CNTNAP4: variants seen among roughly 807,000 people sequenced by gnomAD.
CNTNAP4 encodes the protein contactin-associated protein-like 4.
A neutral mutation model predicts 148.4 loss-of-function variants in CNTNAP4; 98 were observed. The observed-to-expected ratio is 0.66, with a 90% confidence interval of 0.56 to 0.78. CNTNAP4 has a LOEUF of 0.78. CNTNAP4 is among the 30% of genes least tolerant of loss of function. The pLI, the probability that CNTNAP4 is intolerant of heterozygous loss-of-function variation, is 0.00. For synonymous variants in CNTNAP4, 730 were observed against 565.1 expected (o/e 1.29, Z -4.14); for missense variants, 1,935 against 1,565.6 (o/e 1.24, Z -3.98).
At chr16:76,303,180 C>G (rs1966126875) in intron 1 of CNTNAP4, among the ~76,000 whole-genome samples, 2 of 152,214 alleles carry the variant, frequency 1.3e-5, no homozygotes, top group Non-Finnish European at 2.9e-5. Context: ...CTCAGAGAAG[C>G]TTATTGTTTC....
chr16:76,438,426 C>T (rs1285672590), intron 4 of CNTNAP4, among the ~76,000 whole-genome samples: 1 of 152,036 alleles, frequency 6.6e-6, no homozygotes, highest in Non-Finnish European at 1.5e-5. Flanking sequence ...TACTGAAATG[C>T]CACAAGGTAA....
In CNTNAP4 at chr16:76,277,695, G is replaced by T. The variant is rs369274230; in HGVS notation, c.33G>T (p.Thr11=). The T allele has an allele frequency of 1.6e-5, 26 of 1,605,682 alleles. No individual in the cohort carries two copies. The highest frequency in any genetic ancestry group is 1.6e-4 in the Middle Eastern group (1 of 6,076). MGSVTGAVLK[T]LLLLSTQNWN... ...CTGTCACGGGAGCTGTCCTCAAGAC[G>T]CTACTTCTGTTATCTACTCAAAATT... Residue 11 remains threonine (T), a synonymous_variant, in exon 1 of 24, where the codon ACG becomes ACT. Transcript: ENST00000611870.
intron 4 of CNTNAP4, chr16:76,432,451 G>C (rs1263934914): frequency 6.6e-6 from 1 of 152,146 alleles, no homozygotes; most frequent in Non-Finnish European, 1.5e-5. Flanking sequence ...GGATCAAAGA[G>C]AAACTATAAA....
chr16:76,277,595 C>G lies in CNTNAP4; in HGVS notation c.-68C>G. The G allele has an allele frequency of 9.5e-6, 10 of 1,058,070 alleles. No homozygotes were observed. The South Asian group carries it at 1.2e-4, about 13-fold the overall frequency. 65.5% of individuals were successfully genotyped at this position (1,058,070 alleles called of 1,614,324 possible). A position where few individuals can be genotyped will look rare whatever the true frequency, so the allele number is the denominator to read the frequency against. On this transcript the variant is annotated 5_prime_UTR_variant, in exon 1 of 24. Transcript: ENST00000611870. The stretch of plus-strand genomic sequence containing the variant: ...GACCCAGACAGAGCTGGCAGAGCTA[C>G]TGAGAAGAGGACTGGAGCGCTCTGA...
chr16:76,406,507 G>T (rs1053273312), intron 3 of CNTNAP4, among the ~76,000 whole-genome samples: 7 of 152,012 alleles, frequency 4.6e-5, no homozygotes, highest in African/African-American at 1.4e-4. Flanking sequence ...CTGCACTTAG[G>T]AAGACATTGT....
At chr16:76,375,288 G>A (rs1314668927) in intron 3 of CNTNAP4, among the ~76,000 whole-genome samples, 2 of 152,090 alleles carry the variant, frequency 1.3e-5, no homozygotes, top group African/African-American at 4.8e-5. Flanking sequence ...CAGGCGTGGT[G>A]GCATGTGCCT....
intron 3 of CNTNAP4, among the ~76,000 whole-genome samples, chr16:76,358,850 A>G (rs192107224): frequency 5.4e-4 from 82 of 151,768 alleles, no homozygotes; most frequent in African/African-American, 1.7e-3. Flanking sequence ...ATGTGTGTGT[A>G]TATATATATA....
chr16:76,496,345 T>G (rs201248801), intron 14 of CNTNAP4, among the ~76,000 whole-genome samples: 1 of 151,964 alleles, frequency 6.6e-6, no homozygotes. Flanking sequence ...TCAATAACTC[T>G]CCAATGCCTC....
chr16:76,395,216 C>T (rs1015670334), intron 3 of CNTNAP4, among the ~76,000 whole-genome samples: 2 of 151,780 alleles, frequency 1.3e-5, no homozygotes, highest in Non-Finnish European at 1.5e-5. Flanking sequence ...AGGGCATCAG[C>T]AGATTTGATA....
chr16:76,303,312 G>C (rs1960172063), intron 1 of CNTNAP4, among the ~76,000 whole-genome samples: 1 of 152,012 alleles, frequency 6.6e-6, no homozygotes, highest in African/African-American at 2.4e-5. Context: ...AAACATTTCA[G>C]CCTTCATCTT....
At chr16:76,440,698 T>C (rs1284344734) in intron 4 of CNTNAP4, among the ~76,000 whole-genome samples, 3 of 152,148 alleles carry the variant, frequency 2.0e-5, no homozygotes, top group Non-Finnish European at 2.9e-5. Context: ...AGATTCTAAT[T>C]TGGTGAACAT....
At chr16:76,435,397 T>G (rs2079786877) in intron 4 of CNTNAP4, among the ~76,000 whole-genome samples, 1 of 152,150 alleles carries the variant, frequency 6.6e-6, no homozygotes, top group African/African-American at 2.4e-5. Flanking sequence ...CTGCTGTCCA[T>G]TACAGTAGCT....
intron 13 of CNTNAP4, 100 bp from the exon 14 acceptor site, chr16:76,494,810 T>C (rs1300684977): frequency 8.0e-7 from 1 of 1,251,870 alleles, no homozygotes; most frequent in African/African-American, 1.5e-5. Context: ...CCTTTTCTCC[T>C]TTTATTCTTT....
chr16:76,285,160 T>A (rs759077515), intron 1 of CNTNAP4, among the ~76,000 whole-genome samples: 2 of 149,964 alleles, frequency 1.3e-5, no homozygotes, highest in Non-Finnish European at 2.9e-5. Flanking sequence ...TGCTTGGGTG[T>A]TTTTTTTCCC....
intron 2 of CNTNAP4, among the ~76,000 whole-genome samples, chr16:76,332,689 C>T (rs1326040469): frequency 2.0e-5 from 3 of 151,920 alleles, no homozygotes; most frequent in Non-Finnish European, 4.4e-5. Flanking sequence ...TGATGGTTTT[C>T]CATAGGTCTC....
At chr16:76,472,408 G>A (rs2081408893) in intron 10 of CNTNAP4, among the ~76,000 whole-genome samples, 1 of 152,018 alleles carries the variant, frequency 6.6e-6, no homozygotes, top group Non-Finnish European at 1.5e-5. Context: ...AATAACATAT[G>A]TATCACAACC....
At chr16:76,379,752 C>G (rs1477255274) in intron 3 of CNTNAP4, among the ~76,000 whole-genome samples, 1 of 152,220 alleles carries the variant, frequency 6.6e-6, no homozygotes, top group African/African-American at 2.4e-5. Context: ...TCAATCACTA[C>G]TGACTGATCT....
At chr16:76,448,978 CT>C in intron 6 of CNTNAP4, 27 bp downstream of exon 6, 1 of 1,592,350 alleles carries the variant, frequency 6.3e-7, no homozygotes, top group Non-Finnish European at 8.6e-7. Context: ...TCAATTAATG[CT>C]GATTTTATTA....
At chr16:76,553,042 T>G (rs542166288) in intron 21 of CNTNAP4, among the ~76,000 whole-genome samples, 11 of 152,352 alleles carry the variant, frequency 7.2e-5, no homozygotes, top group African/African-American at 2.6e-4. Context: ...GCTTTGTTTC[T>G]AGGGAGCTTA....
Sources: gnomAD v4.1 joint callset for allele counts (sites outside exome capture counted in the v4.1 genomes callset) on GRCh38, gnomAD v4.1.1 for gene constraint, MANE v1.5 for transcripts, NCBI Gene and HGNC (gene_info 2026-07-23, HGNC 2026-07-21) for gene names.